The following UXS1 variants were observed in gnomAD, a reference collection of about 807,000 sequenced individuals.
The protein encoded by UXS1 is UDP-glucuronic acid decarboxylase 1.
A neutral mutation model predicts 62.6 loss-of-function variants in UXS1; 33 were observed. The ratio of observed to expected loss-of-function variants is 0.53; its 90% CI spans 0.40 to 0.70. UXS1 has a LOEUF of 0.70. Ranked by LOEUF, UXS1 falls within the 30% of genes least tolerant of loss-of-function variation. The pLI is 0.00. For synonymous variants in UXS1, 213 were observed against 206.8 expected (o/e 1.03, Z -0.26); for missense variants, 434 against 556.3 (o/e 0.78, Z 2.21).
chr2:106,146,765 T>A, intron 5 of UXS1, among the ~76,000 whole-genome samples: 1 of 63,850 alleles, frequency 1.6e-5, no homozygotes, highest in South Asian at 6.5e-4. Context: ...CAGAGAAGAC[T>A]CCATCTCAAA....
chr2:106,095,963 C>T lies in UXS1; in HGVS notation c.1146+755G>A, dbSNP rs552248739. On this transcript the variant is annotated intron_variant, in intron 14 of 14. Transcript: ENST00000283148. ...GGAGGCAGCAGCCGCCCCACCCTGC[C>T]CCCTTCAGTAGACACACTGAAGACA... 2.6e-5 allele frequency among the ~76,000 whole-genome samples: 4 copies of T among 152,298 alleles called. No individual in the cohort carries two copies. The South Asian group carries it at 8.3e-4, about 32-fold the overall frequency.
intron 9 of UXS1, among the ~76,000 whole-genome samples, chr2:106,118,761 G>A (rs1679272419): frequency 6.6e-6 from 1 of 152,040 alleles, no homozygotes; most frequent in African/African-American, 2.4e-5. Flanking sequence ...AGAATCCTTA[G>A]GAAAAGAGAA....
At chr2:106,096,939 G>A (rs1430682731) in intron 13 of UXS1, 118 bp from the exon 14 acceptor site, 1 of 1,004,522 alleles carries the variant, frequency 1.0e-6, no homozygotes, top group African/African-American at 1.6e-5. Flanking sequence ...GCAGGCGGTG[G>A]AAATGCAGTT....
At chr2:106,098,844 G>T in intron 12 of UXS1, 71 bp from the exon 13 acceptor site, 2 of 1,418,064 alleles carry the variant, frequency 1.4e-6, no homozygotes, top group Non-Finnish European at 2.0e-6. Context: ...GACCACAGGC[G>T]TGTCTGCAGA....
At chr2:106,190,377 T>C (rs1362302190) in intron 1 of UXS1, among the ~76,000 whole-genome samples, 1 of 152,040 alleles carries the variant, frequency 6.6e-6, no homozygotes, top group African/African-American at 2.4e-5. Context: ...AGGTAATATC[T>C]ACAACTGAAA....
intron 9 of UXS1, among the ~76,000 whole-genome samples, chr2:106,120,430 G>A (rs1173229277): frequency 6.6e-6 from 1 of 152,198 alleles, no homozygotes; most frequent in Non-Finnish European, 1.5e-5. Context: ...GAACGGGTAG[G>A]GTCCGTGGGA....
chr2:106,118,459 G>A (rs964729786), intron 9 of UXS1, among the ~76,000 whole-genome samples: 19 of 152,060 alleles, frequency 1.2e-4, no homozygotes, highest in Non-Finnish European at 2.5e-4. Flanking sequence ...ATGAGGGGGC[G>A]AACTCAAATG....
intron 5 of UXS1, among the ~76,000 whole-genome samples, chr2:106,146,476 GAGAGTAA>G (rs1335124728): frequency 2.0e-5 from 3 of 152,178 alleles, no homozygotes; most frequent in African/African-American, 7.2e-5. Context: ...ACCACGGTGA[GAGAGTAA>G]AGCCACCTGG....
At chr2:106,152,542 G>A (rs1169940809) in intron 5 of UXS1, among the ~76,000 whole-genome samples, 11 of 144,006 alleles carry the variant, frequency 7.6e-5, no homozygotes, top group Non-Finnish European at 3.1e-5. Context: ...AGAAAAGAGA[G>A]AGAGAAAGGG....
At chr2:106,111,790 C>T (rs1002470593) in intron 10 of UXS1, among the ~76,000 whole-genome samples, 4 of 152,196 alleles carry the variant, frequency 2.6e-5, no homozygotes, top group Non-Finnish European at 4.4e-5. Flanking sequence ...CAATTGATAA[C>T]AAACCATGCC....
intron 5 of UXS1, among the ~76,000 whole-genome samples, chr2:106,153,691 A>G (rs962184489): frequency 3.9e-5 from 6 of 152,306 alleles, no homozygotes; most frequent in African/African-American, 1.4e-4. Context: ...CCATAAACAG[A>G]AAAAACAACA....
At chr2:106,156,498 T>C (rs1682434623) in intron 5 of UXS1, among the ~76,000 whole-genome samples, 1 of 151,918 alleles carries the variant, frequency 6.6e-6, no homozygotes, top group South Asian at 2.1e-4. Flanking sequence ...TTAAAGAGAG[T>C]CACCCTATGA....
At chr2:106,128,304 A>G (rs1239466241) in intron 7 of UXS1, among the ~76,000 whole-genome samples, 2 of 152,170 alleles carry the variant, frequency 1.3e-5, no homozygotes, top group African/African-American at 4.8e-5. Context: ...AGCTCTTTCC[A>G]GATAGGAAGA....
At position 106,104,895 on chromosome 2, in the gene UXS1, G is replaced by A. The variant is rs996627641; in HGVS notation, c.880-58C>T. On this transcript the variant is annotated intron_variant, in intron 10 of 14. Transcript: ENST00000283148. ...AAAACCACACCCGTCCTGCGTAGGT[G>A]TCCTTGAAACTCCAGGGGACACAGT... The A allele has an allele frequency of 2.5e-6, 4 of 1,608,462 alleles. No homozygotes were observed. The African/African-American group carries it at 5.3e-5, about 22-fold the overall frequency.
In UXS1 at chr2:106,171,439, G is replaced by A. The variant is rs147783479; in HGVS notation, c.95-5356C>T. On this transcript the variant is annotated intron_variant, in intron 1 of 14. Transcript: ENST00000283148. ...AATGGGTTTCAGGGAGACTAGAGGGGAGTCTCATGTGAAAGCACATGTGAA... is the reference window on the plus strand; with the variant it reads ...AATGGGTTTCAGGGAGACTAGAGGGAAGTCTCATGTGAAAGCACATGTGAA... 1.5e-3 allele frequency among the ~76,000 whole-genome samples: 222 copies of A among 152,318 alleles called. 1 individual carries two copies. The highest frequency in any genetic ancestry group is 5.1e-3 in the African/African-American group (210 of 41,564).
intron 14 of UXS1, among the ~76,000 whole-genome samples, chr2:106,094,850 T>G (rs2104815879): frequency 1.3e-5 from 2 of 152,368 alleles, no homozygotes; most frequent in South Asian, 4.1e-4. Context: ...AGAAGGTCTG[T>G]CAGCTTGACT....
chr2:106,146,328 GTATT>G (rs1204534303), intron 5 of UXS1, among the ~76,000 whole-genome samples: 4 of 152,180 alleles, frequency 2.6e-5, no homozygotes, highest in African/African-American at 4.8e-5. Flanking sequence ...CAAACGGAAA[GTATT>G]AATAGGAAGA....
intron 12 of UXS1, 85 bp from the exon 13 acceptor site, chr2:106,098,858 G>T: frequency 7.8e-7 from 1 of 1,285,768 alleles, no homozygotes; most frequent in Non-Finnish European, 1.1e-6. Context: ...CTGCAGAGAC[G>T]TCTACTGGCC....
intron 10 of UXS1, among the ~76,000 whole-genome samples, chr2:106,111,375 C>A (rs563934502): frequency 2.0e-5 from 3 of 152,276 alleles, no homozygotes; most frequent in Admixed American, 2.0e-4. Flanking sequence ...GAGCCTAAAG[C>A]TGAGTTTGGA....
Sources: gnomAD v4.1 joint callset for allele counts (sites outside exome capture counted in the v4.1 genomes callset) on GRCh38, gnomAD v4.1.1 for gene constraint, MANE v1.5 for transcripts, NCBI Gene and HGNC (gene_info 2026-07-23, HGNC 2026-07-21) for gene names.